PHLPP1: variants seen among roughly 807,000 people sequenced by gnomAD.
The protein encoded by PHLPP1 is PH domain and leucine rich repeat protein phosphatase 1.
Under a neutral mutation model 117.2 loss-of-function variants are expected in PHLPP1, and 42 were observed. That is an observed-to-expected ratio of 0.36 (90% CI 0.28 to 0.46). The LOEUF is 0.46. PHLPP1 is among the 20% of genes least tolerant of loss of function. The pLI, the probability that PHLPP1 is intolerant of heterozygous loss-of-function variation, is 1.00. For synonymous variants in PHLPP1, 1,042 were observed against 970.7 expected, an observed-to-expected ratio of 1.07 and a Z score of -1.37; for missense variants, 2,084 against 2,241.9, an observed-to-expected ratio of 0.93 and a Z score of 1.42.
intron 1 of PHLPP1, among the ~76,000 whole-genome samples, chr18:62,828,319 C>T (rs896935009): frequency 1.3e-5 from 2 of 152,156 alleles, no homozygotes; most frequent in Non-Finnish European, 2.9e-5. Context: ...CCATCATTGG[C>T]AGCCCTTGGC....
At position 62,750,717 on chromosome 18, in the gene PHLPP1, G is replaced by GT. The variant is rs71160866; in HGVS notation, c.1576+33471dup. 3.6e-3 allele frequency among the ~76,000 whole-genome samples: 488 copies of GT among 134,918 alleles called. 1 individual carries two copies. The highest frequency in any genetic ancestry group is 3.3e-3 in the African/African-American group (121 of 36,774). 88.5% of individuals were successfully genotyped at this position (134,918 alleles called of 152,430 possible). A position where few individuals can be genotyped will look rare whatever the true frequency, so the allele number is the denominator to read the frequency against. On this transcript the variant is annotated intron_variant, in intron 1 of 16. Transcript: ENST00000262719. ...CATAGGGAGGGTGAATTTCCTAGTT[G>GT]TTTTTTTTTTTTTACAAGCTACTGG...
chr18:62,962,556 G>A (rs181565721), intron 13 of PHLPP1, among the ~76,000 whole-genome samples: 98 of 152,248 alleles, frequency 6.4e-4, no homozygotes, highest in African/African-American at 2.3e-3. Context: ...TGATCCGCCC[G>A]CCTTGGCCTC....
Position 62,919,967 on chromosome 18 carries a change from G to A in PHLPP1, c.2813G>A (p.Cys938Tyr). The change falls in exon 10 of 17, where the codon TGT (cysteine) becomes TAT (tyrosine). Residue 938 changes from cysteine to tyrosine, a missense_variant. Transcript: ENST00000262719. ...TGTCCCTTTTTATACAGCTTATTTTGTAATAGCAGTCTCCGGAAACTACTG... is the reference window on the plus strand; with the variant it reads ...TGTCCCTTTTTATACAGCTTATTTTATAATAGCAGTCTCCGGAAACTACTG... ...QICELPARLF[C>Y]NSSLRKLLAG... 1 of 1,591,570 alleles carries A rather than the reference G, an allele frequency of 6.3e-7. No individual in the cohort carries two copies. Among genetic ancestry groups the A allele is most frequent in the Non-Finnish European group, 8.6e-7 (1 of 1,167,932 alleles).
At chr18:62,945,792 C>T (rs564052986) in intron 12 of PHLPP1, among the ~76,000 whole-genome samples, 118 of 152,296 alleles carry the variant, frequency 7.7e-4, no homozygotes, top group Middle Eastern at 3.4e-3. Context: ...ATTGGCAGAG[C>T]AGATATTATT....
At chr18:62,951,764 G>C (rs1462664178) in intron 12 of PHLPP1, among the ~76,000 whole-genome samples, 2 of 149,018 alleles carry the variant, frequency 1.3e-5, no homozygotes, top group East Asian at 4.0e-4. Context: ...CAGGCATCCT[G>C]TAACTTTGTA....
At chr18:62,853,936 C>T (rs1256567559) in intron 3 of PHLPP1, among the ~76,000 whole-genome samples, 1 of 152,176 alleles carries the variant, frequency 6.6e-6, no homozygotes, top group Non-Finnish European at 1.5e-5. Context: ...AATGGTATTA[C>T]TGCAGCAACT....
intron 1 of PHLPP1, among the ~76,000 whole-genome samples, chr18:62,771,316 T>C (rs1450146474): frequency 1.3e-5 from 2 of 152,170 alleles, no homozygotes; most frequent in Non-Finnish European, 2.9e-5. Flanking sequence ...TTTGAATGTA[T>C]ATGCTACCAT....
At chr18:62,899,902 C>T (rs1356651162) in intron 6 of PHLPP1, among the ~76,000 whole-genome samples, 3 of 152,210 alleles carry the variant, frequency 2.0e-5, no homozygotes, top group Non-Finnish European at 2.9e-5. Flanking sequence ...CTCTTGGGCT[C>T]AAGTTGTTCT....
intron 1 of PHLPP1, among the ~76,000 whole-genome samples, chr18:62,768,317 G>A (rs576286221): frequency 1.1e-3 from 161 of 152,076 alleles, no homozygotes; most frequent in Non-Finnish European, 2.1e-3. Context: ...AGAACCAAAG[G>A]GATTGAATAC....
In PHLPP1 at chr18:62,797,194, T is replaced by C. The variant is rs544907454; in HGVS notation, c.1577-32841T>C. The stretch of plus-strand genomic sequence containing the variant: ...TTATTCTTCTGTAACCAAAACTTTT[T>C]TTATTCCTTTTCCGAAAGATGTTCA... On this transcript the variant is annotated intron_variant, in intron 1 of 16. Transcript: ENST00000262719. Among the ~76,000 whole-genome samples, 8 of 152,336 alleles carry C rather than the reference T, an allele frequency of 5.3e-5. No individual in the cohort carries two copies. In the East Asian group the frequency reaches 1.5e-3, roughly 29 times the overall value.
At chr18:62,817,229 C>T (rs1914306802) in intron 1 of PHLPP1, among the ~76,000 whole-genome samples, 1 of 152,156 alleles carries the variant, frequency 6.6e-6, no homozygotes, top group Admixed American at 6.5e-5. Context: ...TAGGTGTGAG[C>T]CACCATGCCT....
chr18:62,749,311 ACT>A (rs964850200), intron 1 of PHLPP1, among the ~76,000 whole-genome samples: 3 of 151,896 alleles, frequency 2.0e-5, no homozygotes, highest in African/African-American at 7.3e-5. Flanking sequence ...GGGAAAAAAG[ACT>A]CTTAAAAAAG....
intron 9 of PHLPP1, among the ~76,000 whole-genome samples, chr18:62,915,413 C>T (rs78206103): frequency 0.11 from 17,373 of 152,022 alleles, 1,037 homozygotes; most frequent in Middle Eastern, 0.2. Context: ...TTAACTTTGA[C>T]GGGGGAAAAA....
intron 10 of PHLPP1, among the ~76,000 whole-genome samples, chr18:62,925,321 A>T (rs1332641064): frequency 6.6e-6 from 1 of 152,152 alleles, no homozygotes; most frequent in African/African-American, 2.4e-5. Flanking sequence ...TGGACCCTTT[A>T]AAGGGGAGTT....
At chr18:62,752,100 C>T (rs150510781) in intron 1 of PHLPP1, among the ~76,000 whole-genome samples, 313 of 152,200 alleles carry the variant, frequency 2.1e-3, no homozygotes, top group African/African-American at 7.3e-3. Context: ...TTTTTAGAGA[C>T]AAGGTCTTGC....
Position 62,905,264 on chromosome 18 carries a change from G to C in PHLPP1, c.2688G>C (p.Leu896=). The C allele has an allele frequency of 6.6e-7, 1 of 1,522,146 alleles. No individual in the cohort carries two copies. 94.3% of individuals were successfully genotyped at this position (1,522,146 alleles called of 1,614,324 possible). ...QLDVYPVPNY[L]SYMDVSRNRL... ...ATGTTTACCCAGTTCCAAATTATCT[G>C]TCCTACATGGATGTTTCAAGGTAAG... Residue 896 remains leucine (L), a synonymous_variant, in exon 8 of 17, where the codon CTG becomes CTC. Coordinates refer to ENST00000262719, the MANE Select transcript of PHLPP1 (RefSeq NM_194449.4).
intron 11 of PHLPP1, among the ~76,000 whole-genome samples, chr18:62,944,481 T>C (rs1910219578): frequency 6.6e-6 from 1 of 152,228 alleles, no homozygotes; most frequent in African/African-American, 2.4e-5. Context: ...TGGTAGATGT[T>C]TAGCAACAAT....
At chr18:62,842,644 G>A (rs1224957071) in intron 3 of PHLPP1, among the ~76,000 whole-genome samples, 5 of 152,184 alleles carry the variant, frequency 3.3e-5, no homozygotes, top group African/African-American at 4.8e-5. Flanking sequence ...GATTACAGGC[G>A]TGAGCCACCG....
At chr18:62,851,221 A>G (rs867269789) in intron 3 of PHLPP1, among the ~76,000 whole-genome samples, 10 of 152,048 alleles carry the variant, frequency 6.6e-5, no homozygotes, top group Admixed American at 6.6e-5. Flanking sequence ...ACCTTGGAGG[A>G]TCTCTTGGTC....
Sources: gnomAD v4.1 joint callset for allele counts (sites outside exome capture counted in the v4.1 genomes callset) on GRCh38, gnomAD v4.1.1 for gene constraint, MANE v1.5 for transcripts, NCBI Gene and HGNC (gene_info 2026-07-23, HGNC 2026-07-21) for gene names.